NRG1: variants seen among roughly 807,000 people sequenced by gnomAD.
NRG1 encodes the protein pro-neuregulin-1, membrane-bound isoform.
A neutral mutation model predicts 63.8 loss-of-function variants in NRG1; 18 were observed. The observed-to-expected ratio is 0.28, with a 90% CI of 0.19 to 0.42. NRG1 has a LOEUF of 0.42. NRG1 is among the 10% of genes least tolerant of loss of function. The pLI is 1.00. For synonymous variants in NRG1, 302 were observed against 301.3 expected (o/e 1.00, Z -0.02); for missense variants, 762 against 814.7 (o/e 0.94, Z 0.79).
chr8:31,826,305 T>C (rs1824550611), intron 1 of NRG1, among the ~76,000 whole-genome samples: 2 of 152,118 alleles, frequency 1.3e-5, no homozygotes, highest in African/African-American at 2.4e-5. Context: ...GTAGCTCCCG[T>C]AATTGCAGGA....
At chr8:32,092,465 AAAAAAAAAAAAAAAG>A (rs913174047) in intron 1 of NRG1, among the ~76,000 whole-genome samples, 7 of 150,602 alleles carry the variant, frequency 4.6e-5, no homozygotes, top group African/African-American at 1.5e-4. Context: ...CTGTCTCAAA[AAAAAAAAAAAAAAAG>A]AAAAAGAAAA....
rs377190855 is a variant in NRG1, at chr8:32,400,552, T to C, written c.38-195276T>C. ...AATAAGCATATGGAAAATTACCCAA[T>C]ATCACTGATCATCAGAGAGATGCAA... On this transcript the variant is annotated intron_variant, in intron 1 of 10. Transcript: ENST00000519301. Among the ~76,000 whole-genome samples the C allele has an allele frequency of 3.9e-5, 6 of 152,188 alleles. No homozygotes were observed. The East Asian group carries it at 9.7e-4, about 25-fold the overall frequency.
At chr8:32,313,759 C>T (rs1250788428) in intron 1 of NRG1, among the ~76,000 whole-genome samples, 4 of 152,058 alleles carry the variant, frequency 2.6e-5, no homozygotes, top group Non-Finnish European at 1.5e-5. Flanking sequence ...TCATAAGGCC[C>T]CCAAATCCCA....
At chr8:32,276,145 C>T (rs1304626436) in intron 1 of NRG1, among the ~76,000 whole-genome samples, 1 of 152,094 alleles carries the variant, frequency 6.6e-6, no homozygotes, top group Non-Finnish European at 1.5e-5. Flanking sequence ...ATTCATTCAC[C>T]CTATCTAGCT....
intron 1 of NRG1, among the ~76,000 whole-genome samples, chr8:32,420,249 T>C (rs899867390): frequency 6.6e-6 from 1 of 152,178 alleles, no homozygotes; most frequent in Non-Finnish European, 1.5e-5. Context: ...GGCTTGTGGC[T>C]CCACTTCCCT....
intron 1 of NRG1, among the ~76,000 whole-genome samples, chr8:32,254,879 C>A (rs1341358214): frequency 6.6e-6 from 1 of 151,914 alleles, no homozygotes; most frequent in East Asian, 1.9e-4. Flanking sequence ...CTGGTTGCTC[C>A]TTGTATTTGG....
At chr8:32,658,189 T>G (rs1173372780) in intron 5 of NRG1, among the ~76,000 whole-genome samples, 1 of 152,178 alleles carries the variant, frequency 6.6e-6, no homozygotes, top group Non-Finnish European at 1.5e-5. Flanking sequence ...AAACTATACA[T>G]GTAATCAGTG....
At chr8:31,824,138 G>A (rs1188403614) in intron 1 of NRG1, among the ~76,000 whole-genome samples, 1 of 151,144 alleles carries the variant, frequency 6.6e-6, no homozygotes, top group Non-Finnish European at 1.5e-5. Flanking sequence ...ATTTACATTA[G>A]GTATATCTCC....
At chr8:31,758,175 C>T (rs1817170650) in intron 1 of NRG1, among the ~76,000 whole-genome samples, 1 of 152,092 alleles carries the variant, frequency 6.6e-6, no homozygotes, top group African/African-American at 2.4e-5. Context: ...CTGTCAACTA[C>T]ATTAGGTGTT....
At chr8:31,829,366 A>G (rs2129605174) in intron 1 of NRG1, among the ~76,000 whole-genome samples, 1 of 152,302 alleles carries the variant, frequency 6.6e-6, no homozygotes, top group East Asian at 1.9e-4. Flanking sequence ...AAACATGGTG[A>G]ATTCATTTAA....
intron 1 of NRG1, among the ~76,000 whole-genome samples, chr8:32,168,315 A>C (rs978811167): frequency 4.6e-5 from 7 of 152,238 alleles, no homozygotes; most frequent in African/African-American, 1.7e-4. Context: ...ACCATGTATC[A>C]GGCATGGGGA....
chr8:31,671,128 G>C (rs1807096519), intron 1 of NRG1, among the ~76,000 whole-genome samples: 1 of 137,284 alleles, frequency 7.3e-6, no homozygotes, highest in Non-Finnish European at 1.7e-5. Context: ...TGCTTCAAAG[G>C]CCATGATCTC....
intron 1 of NRG1, among the ~76,000 whole-genome samples, chr8:31,849,233 G>C (rs1458477449): frequency 6.6e-6 from 1 of 152,144 alleles, no homozygotes; most frequent in Non-Finnish European, 1.5e-5. Context: ...ATTGCCACAA[G>C]ATCACCTAGC....
chr8:32,093,925 A>G (rs771211475), intron 1 of NRG1, among the ~76,000 whole-genome samples: 2 of 152,174 alleles, frequency 1.3e-5, no homozygotes, highest in African/African-American at 2.4e-5. Flanking sequence ...CAGCCTGGAT[A>G]TGATGCAAAA....
At chr8:31,657,858 T>C (rs576648968) in intron 1 of NRG1, among the ~76,000 whole-genome samples, 1 of 152,314 alleles carries the variant, frequency 6.6e-6, no homozygotes, top group Admixed American at 6.5e-5. Context: ...CTCCAGGTCA[T>C]CTGATCTGCT....
In NRG1 at chr8:32,760,183, TC is replaced by T; in HGVS notation, c.1053-14del. The stretch of plus-strand genomic sequence containing the variant: ...TTTGCACGAAATATCTGATTGTCTC[TC>T]CCATTTCCTCCGCAGCTGGAGCAAC... On this transcript the variant is annotated splice_polypyrimidine_tract_variant and intron_variant, in intron 10 of 11. Transcript: ENST00000356819. 6.2e-7 allele frequency: 1 copy of T among 1,613,608 alleles called. No individual in the cohort carries two copies. The highest frequency in any genetic ancestry group is 8.5e-7 in the Non-Finnish European group (1 of 1,179,724).
At chr8:32,719,009 A>G (rs1819961638) in intron 5 of NRG1, among the ~76,000 whole-genome samples, 2 of 152,054 alleles carry the variant, frequency 1.3e-5, no homozygotes, top group Admixed American at 6.6e-5. Flanking sequence ...TTCCTGCCTT[A>G]CTGCATTGAT....
At chr8:32,215,663 T>A (rs2132428014) in intron 1 of NRG1, among the ~76,000 whole-genome samples, 1 of 152,320 alleles carries the variant, frequency 6.6e-6, no homozygotes, top group Non-Finnish European at 1.5e-5. Flanking sequence ...TTATATGCAT[T>A]AGCTCATCAA....
chr8:31,691,594 CAA>C (rs71208138), intron 1 of NRG1, among the ~76,000 whole-genome samples: 9 of 34,980 alleles, frequency 2.6e-4, no homozygotes, highest in African/African-American at 6.1e-4. Context: ...GACTCTGTCT[CAA>C]AAAAAAAAAA....
Sources: gnomAD v4.1 joint callset for allele counts (sites outside exome capture counted in the v4.1 genomes callset) on GRCh38, gnomAD v4.1.1 for gene constraint, MANE v1.5 for transcripts, NCBI Gene and HGNC (gene_info 2026-07-23, HGNC 2026-07-21) for gene names.